CDH4: variants seen among roughly 807,000 people sequenced by gnomAD.
CDH4 encodes the protein cadherin-4.
CDH4 carries 33 observed loss-of-function variants against 86.0 expected under a neutral mutation model. The observed-to-expected ratio is 0.38, with a 90% CI of 0.29 to 0.51. The LOEUF is 0.51. Among genes scored for constraint, CDH4 ranks in the 20% least tolerant of loss-of-function variants. CDH4 has a pLI of 0.86. For missense variants in CDH4, 1,114 were observed against 1,307.4 expected (o/e 0.85, Z 2.28); for synonymous variants, 555 against 549.4 (o/e 1.01, Z -0.14).
At chr20:61,441,280 G>C (rs1021510598) in intron 2 of CDH4, among the ~76,000 whole-genome samples, 7 of 152,208 alleles carry the variant, frequency 4.6e-5, no homozygotes, top group African/African-American at 1.7e-4. Flanking sequence ...GGTTTCAGAA[G>C]GAAAGGAAGC....
At chr20:61,478,196 G>A (rs778319419) in intron 2 of CDH4, among the ~76,000 whole-genome samples, 2 of 152,124 alleles carry the variant, frequency 1.3e-5, no homozygotes, top group African/African-American at 2.4e-5. Context: ...CTGCTGGCCC[G>A]TGAGCGTGGA....
At chr20:61,814,132 C>G (rs1251283086) in intron 4 of CDH4, among the ~76,000 whole-genome samples, 1 of 152,234 alleles carries the variant, frequency 6.6e-6, no homozygotes, top group African/African-American at 2.4e-5. Flanking sequence ...CACCTTCCTG[C>G]TGAGTATGGT....
At chr20:61,786,909 G>A (rs572548344) in intron 4 of CDH4, among the ~76,000 whole-genome samples, 27 of 152,342 alleles carry the variant, frequency 1.8e-4, no homozygotes, top group African/African-American at 6.0e-4. Context: ...ACTGTAGAGT[G>A]CAGCTGTTCT....
rs564548764 is a variant in CDH4 at position 61,544,547 on chromosome 20, G to A, written c.170-199016G>A. ...CAGTCCATGCAATGGCAGCCGCCAA[G>A]CAGAGACGGTGACGGGATCCCTGCG... On this transcript the variant is annotated intron_variant, in intron 2 of 15. Coordinates refer to ENST00000614565, the MANE Select transcript of CDH4 (RefSeq NM_001794.5). This position sits in a 1 kb window ranked among gnomAD's most constrained non-coding sequence, Gnocchi z 6.5. Among the ~76,000 whole-genome samples the A allele has an allele frequency of 4.2e-4, 64 of 151,884 alleles. No individual in the cohort carries two copies. The highest frequency in any genetic ancestry group is 1.5e-3 in the African/African-American group (63 of 41,452).
intron 4 of CDH4, among the ~76,000 whole-genome samples, chr20:61,840,147 T>G (rs948669314): frequency 1.3e-5 from 2 of 152,168 alleles, no homozygotes; most frequent in African/African-American, 4.8e-5. Context: ...AAGCCCTAAT[T>G]CTGAGAGTGT....
intron 2 of CDH4, among the ~76,000 whole-genome samples, chr20:61,610,820 C>T (rs886078990): frequency 6.6e-5 from 10 of 152,270 alleles, no homozygotes; most frequent in African/African-American, 2.4e-4. Flanking sequence ...GAGCCTGTGA[C>T]CCCTGCAGCC....
At chr20:61,426,234 C>T (rs1281402563) in intron 2 of CDH4, among the ~76,000 whole-genome samples, 1 of 152,134 alleles carries the variant, frequency 6.6e-6, no homozygotes, top group Admixed American at 6.5e-5. Context: ...TTTTTTGACG[C>T]AGCCAGGTGC....
intron 2 of CDH4, among the ~76,000 whole-genome samples, chr20:61,721,009 G>A (rs1381557841): frequency 6.6e-6 from 1 of 152,114 alleles, no homozygotes; most frequent in Non-Finnish European, 1.5e-5. Flanking sequence ...GCTCTCCAAG[G>A]CCACACCATG....
chr20:61,650,009 T>C (rs552123022), intron 2 of CDH4, among the ~76,000 whole-genome samples: 1 of 152,328 alleles, frequency 6.6e-6, no homozygotes, highest in African/African-American at 2.4e-5. Flanking sequence ...TCTCCCCAGG[T>C]TGTGCCAGCA....
chr20:61,831,429 G>A (rs1981608244), intron 4 of CDH4, among the ~76,000 whole-genome samples: 1 of 152,224 alleles, frequency 6.6e-6, no homozygotes, highest in Admixed American at 6.5e-5. Flanking sequence ...CAGAGCCTGT[G>A]CTCAAATCCC....
At chr20:61,826,350 C>T (rs1351118565) in intron 4 of CDH4, among the ~76,000 whole-genome samples, 1 of 152,250 alleles carries the variant, frequency 6.6e-6, no homozygotes, top group East Asian at 1.9e-4. Context: ...TTCCCAAGCA[C>T]TCTTGGTCTT....
In CDH4 at chr20:61,709,466, G is replaced by C. The variant is rs913154737; in HGVS notation, c.170-34097G>C. Among the ~76,000 whole-genome samples the C allele has an allele frequency of 6.6e-6, 1 of 152,020 alleles. No individual in the cohort carries two copies. Among genetic ancestry groups the C allele is most frequent in the Non-Finnish European group, 1.5e-5 (1 of 68,010 alleles). The stretch of plus-strand genomic sequence containing the variant: ...TTTTTTTCTATTTTTAGGAGGGACG[G>C]GGTTTCACCATGTTGGCCAGGCTGG... On this transcript the variant is annotated intron_variant, in intron 2 of 15. Transcript: ENST00000614565. The surrounding 1 kb of genome is among the most constrained non-coding windows in gnomAD (Gnocchi z 4.8).
chr20:61,691,088 G>T (rs1185664273), intron 2 of CDH4, among the ~76,000 whole-genome samples: 1 of 152,150 alleles, frequency 6.6e-6, no homozygotes, highest in Non-Finnish European at 1.5e-5. Context: ...GCTCCCGGAA[G>T]TGCATGGCCA....
At chr20:61,610,306 A>G (rs918959729) in intron 2 of CDH4, among the ~76,000 whole-genome samples, 1 of 152,200 alleles carries the variant, frequency 6.6e-6, no homozygotes, top group African/African-American at 2.4e-5. Context: ...GGTTCCATCC[A>G]TGTTGCTGCA....
intron 3 of CDH4, among the ~76,000 whole-genome samples, chr20:61,768,958 CCT>C (rs1238968594): frequency 6.6e-6 from 1 of 152,138 alleles, no homozygotes; most frequent in Non-Finnish European, 1.5e-5. Flanking sequence ...TTCAGAGGGC[CCT>C]GGTGAGCTGC....
At chr20:61,423,931 A>G (rs1030558889) in intron 2 of CDH4, among the ~76,000 whole-genome samples, 2 of 152,172 alleles carry the variant, frequency 1.3e-5, no homozygotes, top group African/African-American at 4.8e-5. Flanking sequence ...GGCTGTGCAC[A>G]TGCTCCTGTA....
intron 2 of CDH4, among the ~76,000 whole-genome samples, chr20:61,694,401 C>A (rs1432648937): frequency 6.6e-6 from 1 of 152,290 alleles, no homozygotes; most frequent in East Asian, 1.9e-4. Context: ...AGGAGAAAAT[C>A]ACTTCGCAGG....
chr20:61,298,502 T>A (rs2084368914), intron 2 of CDH4, among the ~76,000 whole-genome samples: 1 of 152,070 alleles, frequency 6.6e-6, no homozygotes, highest in Non-Finnish European at 1.5e-5. Flanking sequence ...CCACGTCCCG[T>A]CAGGTCCTCA....
intron 2 of CDH4, among the ~76,000 whole-genome samples, chr20:61,554,781 A>G (rs907394479): frequency 1.3e-5 from 2 of 152,252 alleles, no homozygotes; most frequent in African/African-American, 4.8e-5. Flanking sequence ...GCATGGTGTG[A>G]ACATGTTTTC....
Sources: gnomAD v4.1 joint callset for allele counts (sites outside exome capture counted in the v4.1 genomes callset) on GRCh38, gnomAD v4.1.1 for gene constraint, Gnocchi (gnomAD v3.1) non-coding constraint, MANE v1.5 for transcripts, NCBI Gene and HGNC (gene_info 2026-07-23, HGNC 2026-07-21) for gene names.